The following PARD6G variants were observed in gnomAD, a reference collection of about 807,000 sequenced individuals.
The protein encoded by PARD6G is partitioning defective 6 homolog gamma.
Under a neutral mutation model 10.7 loss-of-function variants are expected in PARD6G, and 7 were observed. The observed-to-expected ratio is 0.66, with a 90% CI of 0.37 to 1.23. The LOEUF is 1.23. PARD6G is among the 50% of genes most tolerant of loss of function. The pLI is 0.02. For missense variants in PARD6G, 548 were observed against 571.8 expected, an observed-to-expected ratio of 0.96 and a Z score of 0.42; for synonymous variants, 287 against 269.4, an observed-to-expected ratio of 1.07 and a Z score of -0.64.
intron 2 of PARD6G, chr18:80,187,724 T>C (rs1316359463): frequency 1.3e-5 from 2 of 152,092 alleles, no homozygotes; most frequent in African/African-American, 4.8e-5. Flanking sequence ...GACCTGATGC[T>C]TTGCAGGGTC....
rs1225754657 is a variant in PARD6G at position 80,160,001 on chromosome 18, C to T, written c.901G>A (p.Val301Ile). 6.6e-7 allele frequency: 1 copy of T among 1,513,458 alleles called. No homozygotes were observed. Among genetic ancestry groups the T allele is most frequent in the Non-Finnish European group, 8.8e-7 (1 of 1,138,244 alleles). The allele number at this position is 1,513,458 out of a possible 1,614,324, so 93.8% of individuals were successfully genotyped here. Reference sequence around the variant, plus strand: ...GGCTCCAGTGTGCCCTCGATGACGACGTCGTTGTCCTCATCGCTCTCCGCC... The same window carrying T: ...GGCTCCAGTGTGCCCTCGATGACGATGTCGTTGTCCTCATCGCTCTCCGCC... Reference protein sequence around the residue: ...DEAESDEDNDVVIEGTLEPAR... With the variant: ...DEAESDEDNDIVIEGTLEPAR... The change falls in exon 3 of 3, where the codon GTC becomes ATC. Residue 301 changes from valine (V) to isoleucine (I), a missense_variant. Around this residue, in one of 2 missense-constraint regions of PARD6G, gnomAD observed 313 missense variants for 279.9 expected, o/e 1.12. Coordinates refer to ENST00000353265, the MANE Select transcript of PARD6G (RefSeq NM_032510.4).
At position 80,158,301 on chromosome 18, in the gene PARD6G, G is replaced by GATGAGAAC. The variant is rs146564331; in HGVS notation, c.*1462_*1469dup. 2.1e-3 allele frequency: 327 copies of GATGAGAAC among 152,326 alleles called. 1 individual carries two copies. Among genetic ancestry groups the GATGAGAAC allele is most frequent in the African/African-American group, 7.5e-3 (311 of 41,578 alleles). The allele number at this position is 152,326 out of a possible 1,614,324, so 9.4% of individuals were successfully genotyped here. ...AGAAACGTCTGTTTCAGAAAACAAA[G>GATGAGAAC]ATGAGAACTCACGTGCAAATGACTG... On this transcript the variant is annotated 3_prime_UTR_variant, in exon 3 of 3. Transcript: ENST00000353265.
At chr18:80,239,731 A>G (rs535795072) in intron 1 of PARD6G, among the ~76,000 whole-genome samples, 1 of 152,378 alleles carries the variant, frequency 6.6e-6, no homozygotes, top group African/African-American at 2.4e-5. Flanking sequence ...TTTTCCCCTC[A>G]GCTACAGCAC....
chr18:80,193,169 C>T (rs1268603167), intron 2 of PARD6G, among the ~76,000 whole-genome samples: 1 of 152,244 alleles, frequency 6.6e-6, no homozygotes, highest in Admixed American at 6.5e-5. Context: ...CTGACCCTGA[C>T]GTCCTCCCCA....
chr18:80,196,709 C>T (rs1369288217), intron 2 of PARD6G, among the ~76,000 whole-genome samples: 3 of 152,028 alleles, frequency 2.0e-5, no homozygotes, highest in African/African-American at 7.2e-5. Context: ...TTCATGTGGG[C>T]GCCCTGGAGG....
At chr18:80,203,002 G>A in intron 1 of PARD6G, 70 bp from the exon 2 acceptor site, 1 of 1,023,560 alleles carries the variant, frequency 9.8e-7, no homozygotes, top group South Asian at 1.3e-5. Flanking sequence ...GAAATAAGGT[G>A]TGGTTAGTGT....
Position 80,184,087 on chromosome 18 carries a change from C to CTGATG in PARD6G, c.295+18618_295+18622dup, listed in dbSNP as rs1425049490. 7.9e-5 allele frequency: 12 copies of CTGATG among 152,196 alleles called. No individual in the cohort carries two copies. The highest frequency in any genetic ancestry group is 3.9e-4 in the Admixed American group (6 of 15,284). 9.4% of individuals were successfully genotyped at this position (152,196 alleles called of 1,614,324 possible). On this transcript the variant is annotated intron_variant, in intron 2 of 2. Coordinates refer to ENST00000353265, the MANE Select transcript of PARD6G (RefSeq NM_032510.4). The surrounding 1 kb of genome is among the most constrained non-coding windows in gnomAD (Gnocchi z 4.5). ...CAGACCCACCCCAATGCATTTGCCT[C>CTGATG]TGATGTGAGAAAGAAACACTAGGGC...
intron 1 of PARD6G, among the ~76,000 whole-genome samples, chr18:80,210,700 T>C (rs149971386): frequency 2.0e-5 from 3 of 152,326 alleles, no homozygotes; most frequent in Admixed American, 6.5e-5. Flanking sequence ...AGGACCAAAA[T>C]AGGTTATCTA....
At position 80,160,088 on chromosome 18, in the gene PARD6G, C is replaced by T; in HGVS notation, c.814G>A (p.Gly272Ser). The T allele has an allele frequency of 3.8e-6, 6 of 1,593,598 alleles. No individual in the cohort carries two copies. The highest frequency in any genetic ancestry group is 1.3e-5 in the African/African-American group (1 of 74,696). The part of the protein sequence containing the change: ...ALGSSGPPSD[G>S]TAGFVGPPAP... ...GGGGGACCCACGAAGCCCGCGGTGC[C>T]GTCCGAGGGCGGTCCCGAGCTGCCC... is the stretch of plus-strand genomic sequence containing the variant. Residue 272 changes from glycine to serine, a missense_variant, in exon 3 of 3, where the codon GGC becomes AGC. Coordinates refer to ENST00000353265, the MANE Select transcript of PARD6G (RefSeq NM_032510.4).
In PARD6G at chr18:80,160,065, G is replaced by A. The variant is rs2052686656; in HGVS notation, c.837C>T (p.Pro279=). Residue 279 remains proline (P), a synonymous_variant, in exon 3 of 3, where the codon CCC becomes CCT. Transcript: ENST00000353265. ...AGTTCTGCAGGACGCGCGGGGCGGG[G>A]GGACCCACGAAGCCCGCGGTGCCGT... ...PSDGTAGFVG[P]PAPRVLQNFH... The A allele has an allele frequency of 1.3e-6, 2 of 1,566,612 alleles. No individual in the cohort carries two copies. Among genetic ancestry groups the A allele is most frequent in the Non-Finnish European group, 1.7e-6 (2 of 1,159,914 alleles).
intron 1 of PARD6G, among the ~76,000 whole-genome samples, chr18:80,208,156 G>A (rs1235063010): frequency 2.0e-5 from 3 of 150,992 alleles, no homozygotes; most frequent in African/African-American, 7.4e-5. Flanking sequence ...TTCACTGGCT[G>A]TATTTAGAAG....
rs752162620 is a variant in PARD6G at position 80,160,224 on chromosome 18, C to A, written c.678G>T (p.Gly226=). ...VLEVNGIEVA[G]KTLDQVTDMM... is the part of the protein sequence containing the mutation. ...TGTCCGTGACCTGGTCCAGCGTCTT[C>A]CCGGCCACCTCAATGCCGTTCACCT... Residue 226 remains glycine (G), a synonymous_variant, in exon 3 of 3, where the codon GGG becomes GGT. Transcript: ENST00000353265. 1 of 1,613,100 alleles carries A rather than the reference C, an allele frequency of 6.2e-7. No homozygotes were observed. Among genetic ancestry groups the A allele is most frequent in the African/African-American group, 1.3e-5 (1 of 74,896 alleles).
At chr18:80,191,234 C>A (rs1014603422) in intron 2 of PARD6G, among the ~76,000 whole-genome samples, 1 of 152,200 alleles carries the variant, frequency 6.6e-6, no homozygotes, top group African/African-American at 2.4e-5. Context: ...CACCTGTTAA[C>A]CTCAAACCGG....
chr18:80,229,539 G>A (rs1967334832), intron 1 of PARD6G, among the ~76,000 whole-genome samples: 2 of 152,054 alleles, frequency 1.3e-5, no homozygotes, highest in African/African-American at 4.8e-5. Context: ...GCATTCCCTG[G>A]AGCCAGCTGG....
chr18:80,177,361 TACAC>T (rs112789791), intron 2 of PARD6G, among the ~76,000 whole-genome samples: 18 of 114,320 alleles, frequency 1.6e-4, no homozygotes, highest in African/African-American at 2.9e-4. Flanking sequence ...CATACACATG[TACAC>T]ACACACACAC....
At chr18:80,237,502 G>A (rs1485507873) in intron 1 of PARD6G, among the ~76,000 whole-genome samples, 1 of 152,240 alleles carries the variant, frequency 6.6e-6, no homozygotes, top group African/African-American at 2.4e-5. Context: ...TTCGCAAATG[G>A]GATCTAATTA....
At chr18:80,195,468 C>T (rs370296812) in intron 2 of PARD6G, among the ~76,000 whole-genome samples, 17 of 148,342 alleles carry the variant, frequency 1.1e-4, no homozygotes, top group African/African-American at 3.5e-4. Flanking sequence ...AGACCCTTGC[C>T]GGCCTTCACT....
rs967454413 is a variant in PARD6G, at chr18:80,182,783, G to A, written c.295+19927C>T. The A allele has an allele frequency of 3.8e-6, 1 of 262,600 alleles. No homozygotes were observed. Among genetic ancestry groups the A allele is most frequent in the African/African-American group, 2.2e-5 (1 of 45,240 alleles). 16.3% of individuals were successfully genotyped at this position (262,600 alleles called of 1,614,324 possible). A position where few individuals can be genotyped will look rare whatever the true frequency, so the allele number is the denominator to read the frequency against. On this transcript the variant is annotated intron_variant, in intron 2 of 2. Coordinates refer to ENST00000353265, the MANE Select transcript of PARD6G (RefSeq NM_032510.4). The surrounding 1 kb of genome is among the most constrained non-coding windows in gnomAD (Gnocchi z 4.5). ...AGGTGCATCCACGGGGCTTATCAAAGCTCTGTTTTATTCTTTTAAAAATGA... is the reference window on the plus strand; with the variant it reads ...AGGTGCATCCACGGGGCTTATCAAAACTCTGTTTTATTCTTTTAAAAATGA...
At chr18:80,178,587 G>A (rs1369663158) in intron 2 of PARD6G, among the ~76,000 whole-genome samples, 2 of 152,176 alleles carry the variant, frequency 1.3e-5, no homozygotes, top group East Asian at 1.9e-4. Context: ...GAAGGCCTCC[G>A]ACCATGGCAC....
Sources: gnomAD v4.1 joint callset for allele counts (sites outside exome capture counted in the v4.1 genomes callset) on GRCh38, gnomAD v4.1.1 for gene constraint, gnomAD v4.1.1 regional missense constraint, Gnocchi (gnomAD v3.1) non-coding constraint, MANE v1.5 for transcripts, NCBI Gene and HGNC (gene_info 2026-07-23, HGNC 2026-07-21) for gene names.